CNTN1: variants seen among roughly 807,000 people sequenced by gnomAD.
The protein encoded by CNTN1 is contactin-1.
CNTN1 carries 38 observed loss-of-function variants against 126.4 expected under a neutral mutation model. That is an observed-to-expected ratio of 0.30 (90% CI 0.23 to 0.39). The LOEUF (loss-of-function observed/expected upper bound fraction) is 0.39, where lower values mean the gene tolerates loss of function less well. CNTN1 is among the 10% of genes least tolerant of loss of function. CNTN1 has a pLI of 1.00. For synonymous variants in CNTN1, 413 were observed against 422.6 expected, an observed-to-expected ratio of 0.98 and a Z score of 0.28; for missense variants, 1,009 against 1,248.4, an observed-to-expected ratio of 0.81 and a Z score of 2.89.
At chr12:40,948,407 A>G (rs1369903999) in intron 14 of CNTN1, among the ~76,000 whole-genome samples, 2 of 151,342 alleles carry the variant, frequency 1.3e-5, no homozygotes, top group African/African-American at 4.8e-5. Flanking sequence ...AGAGGTAATA[A>G]TAGCCAACAT....
chr12:40,891,984 A>G (rs1335249659), intron 1 of CNTN1, among the ~76,000 whole-genome samples: 2 of 152,106 alleles, frequency 1.3e-5, no homozygotes, highest in African/African-American at 2.4e-5. Context: ...GGCAGAACTG[A>G]TATCTTGACA....
chr12:40,997,366 G>C (rs1447653830), intron 17 of CNTN1, among the ~76,000 whole-genome samples: 1 of 152,104 alleles, frequency 6.6e-6, no homozygotes, highest in African/African-American at 2.4e-5. Flanking sequence ...ATAAAACCAG[G>C]AACAACACTT....
At position 40,858,735 on chromosome 12, in the gene CNTN1, C is replaced by A. The variant is rs1038777744; in HGVS notation, c.-76-49622C>A. Among the ~76,000 whole-genome samples, 4 of 152,106 alleles carry A rather than the reference C, an allele frequency of 2.6e-5. No homozygotes were observed. In the East Asian group the frequency reaches 7.7e-4, roughly 29 times the overall value. ...AAGACAGGGAATCAACCCAAATCCT[C>A]AACAGTGATAGACTGGATAAAGAAA... is the stretch of plus-strand genomic sequence containing the variant. On this transcript the variant is annotated intron_variant, in intron 1 of 23. Coordinates refer to ENST00000551295, the MANE Select transcript of CNTN1 (RefSeq NM_001843.4).
intron 1 of CNTN1, among the ~76,000 whole-genome samples, chr12:40,897,751 T>G (rs895123502): frequency 1.3e-5 from 2 of 152,176 alleles, no homozygotes; most frequent in African/African-American, 4.8e-5. Flanking sequence ...CAGGTTAAGG[T>G]AGCCCCGTAA....
intron 1 of CNTN1, among the ~76,000 whole-genome samples, chr12:40,902,773 A>G (rs1944654793): frequency 1.3e-5 from 2 of 152,208 alleles, no homozygotes; most frequent in African/African-American, 4.8e-5. Context: ...AGTTGCTAAT[A>G]TATTGTTGAA....
chr12:40,885,840 G>A (rs1397376065), intron 1 of CNTN1, among the ~76,000 whole-genome samples: 1 of 151,922 alleles, frequency 6.6e-6, no homozygotes. Flanking sequence ...TCAGGAGCTG[G>A]TATAGTTTTC....
rs1462048307 is a variant in CNTN1 at position 40,954,838 on chromosome 12, A to T, written c.1684-4276A>T. ...TCTCCCCGTGCAGTTAAAATGCATT[A>T]CTCTGACTGCTCTGATGTGTGACAG... On this transcript the variant is annotated intron_variant, in intron 14 of 23. Coordinates refer to ENST00000551295, the MANE Select transcript of CNTN1 (RefSeq NM_001843.4). Among the ~76,000 whole-genome samples the T allele has an allele frequency of 2.6e-5, 4 of 152,026 alleles. No individual in the cohort carries two copies. The East Asian group carries it at 7.7e-4, about 29-fold the overall frequency.
At chr12:40,761,541 A>T (rs1041843580) in intron 1 of CNTN1, among the ~76,000 whole-genome samples, 2 of 151,970 alleles carry the variant, frequency 1.3e-5, no homozygotes, top group African/African-American at 4.8e-5. Context: ...TTTTGGTTTT[A>T]TTTTATTTCT....
At chr12:40,729,380 T>C (rs1015938378) in intron 1 of CNTN1, 5 of 153,146 alleles carry the variant, frequency 3.3e-5, no homozygotes, top group African/African-American at 1.2e-4. Context: ...TTCCAGACAG[T>C]CCTTGGAAGA....
intron 1 of CNTN1, among the ~76,000 whole-genome samples, chr12:40,809,818 A>ACACACACACACACACACACC (rs1940987915): frequency 3.0e-5 from 1 of 33,158 alleles, no homozygotes; most frequent in Non-Finnish European, 7.9e-5. Context: ...TCTGTCTCAC[A>ACACACACACACACACACACC]CACACACACA....
intron 1 of CNTN1, among the ~76,000 whole-genome samples, chr12:40,709,349 T>C (rs1005917067): frequency 5.3e-5 from 8 of 152,186 alleles, no homozygotes; most frequent in East Asian, 1.9e-4. Flanking sequence ...TAAACAGATA[T>C]GCTACATCCA....
intron 1 of CNTN1, among the ~76,000 whole-genome samples, chr12:40,818,224 T>C (rs1018693148): frequency 2.0e-5 from 3 of 152,236 alleles, no homozygotes; most frequent in Non-Finnish European, 4.4e-5. Flanking sequence ...TCTTTCTAGG[T>C]TGGGGAAGTT....
At chr12:40,985,551 T>C (rs1947937225) in intron 16 of CNTN1, among the ~76,000 whole-genome samples, 1 of 152,210 alleles carries the variant, frequency 6.6e-6, no homozygotes, top group Non-Finnish European at 1.5e-5. Context: ...GTCTTTTGTC[T>C]CCATTGTTTT....
intron 1 of CNTN1, among the ~76,000 whole-genome samples, chr12:40,791,862 T>G (rs1441639348): frequency 6.6e-6 from 1 of 152,058 alleles, no homozygotes; most frequent in East Asian, 1.9e-4. Flanking sequence ...ATGTTTATAT[T>G]GATGTAAATA....
At chr12:40,751,365 C>T (rs1938399410) in intron 1 of CNTN1, among the ~76,000 whole-genome samples, 3 of 151,962 alleles carry the variant, frequency 2.0e-5, no homozygotes, top group African/African-American at 7.2e-5. Flanking sequence ...AGACACTATT[C>T]CCAGTAGCCT....
At chr12:40,763,565 T>C (rs1157109132) in intron 1 of CNTN1, among the ~76,000 whole-genome samples, 3 of 151,866 alleles carry the variant, frequency 2.0e-5, no homozygotes, top group African/African-American at 4.8e-5. Flanking sequence ...CTGTGGCTAG[T>C]GTACAGAGAA....
At chr12:40,980,462 A>G (rs1013090964) in intron 15 of CNTN1, among the ~76,000 whole-genome samples, 3 of 151,394 alleles carry the variant, frequency 2.0e-5, no homozygotes, top group African/African-American at 7.3e-5. Flanking sequence ...AAAAAAAAAA[A>G]AAGCCACAAA....
intron 17 of CNTN1, among the ~76,000 whole-genome samples, chr12:41,000,857 T>C (rs1948342691): frequency 2.6e-5 from 4 of 152,128 alleles, no homozygotes; most frequent in African/African-American, 9.7e-5. Flanking sequence ...TCATTTAGCC[T>C]CCACTTATAA....
intron 15 of CNTN1, among the ~76,000 whole-genome samples, chr12:40,976,866 A>C (rs1339334067): frequency 6.6e-6 from 1 of 152,174 alleles, no homozygotes; most frequent in East Asian, 1.9e-4. Context: ...TAATACACAG[A>C]GTATCTTCAC....
Sources: gnomAD v4.1 joint callset for allele counts (sites outside exome capture counted in the v4.1 genomes callset) on GRCh38, gnomAD v4.1.1 for gene constraint, MANE v1.5 for transcripts, NCBI Gene and HGNC (gene_info 2026-07-23, HGNC 2026-07-21) for gene names.